The following GOLGA6L2 variants were observed in gnomAD, a reference collection of about 807,000 sequenced individuals.
The protein encoded by GOLGA6L2 is golgin subfamily A member 6-like protein 2.
GOLGA6L2 carries 30 observed loss-of-function variants against 35.9 expected under a neutral mutation model. That is an observed-to-expected ratio of 0.83 (90% CI 0.62 to 1.13). The LOEUF is 1.13. GOLGA6L2 is among the 50% of genes most tolerant of loss of function. GOLGA6L2 has a pLI of 0.00. For synonymous variants in GOLGA6L2, 297 were observed against 344.0 expected (o/e 0.86, Z 1.51); for missense variants, 821 against 973.4 (o/e 0.84, Z 2.08).
intron 7 of GOLGA6L2, 84 bp from the exon 8 acceptor site, chr15:23,441,766 AT>A (rs1212277664): frequency 3.1e-5 from 43 of 1,404,286 alleles, no homozygotes; most frequent in Middle Eastern, 1.9e-4. Context: ...TTTAAAAAAA[AT>A]TTTTAAGCCT....
intron 6 of GOLGA6L2, 151 bp downstream of exon 6, chr15:23,442,299 G>C: frequency 8.8e-7 from 1 of 1,133,306 alleles, no homozygotes; most frequent in East Asian, 2.6e-5. Context: ...GCTACCCCAT[G>C]AGTCAGTGGC....
In GOLGA6L2 at chr15:23,439,519, AG is replaced by A. The variant is rs1234401135; in HGVS notation, c.*225del. On this transcript the variant is annotated 3_prime_UTR_variant, in exon 8 of 8. Transcript: ENST00000567107. ...GTGACATGGCGGCTTATGCTTCTGT[AG>A]GCCTTGTTGACAGTGCCAACTTTTA... The A allele has an allele frequency of 7.6e-6, 10 of 1,320,196 alleles. No homozygotes were observed. The highest frequency in any genetic ancestry group is 1.0e-5 in the Non-Finnish European group (10 of 970,272). The allele number at this position is 1,320,196 out of a possible 1,614,324, so 81.8% of individuals were successfully genotyped here.
In GOLGA6L2 at chr15:23,439,823, T is replaced by C. The variant is rs1379257978; in HGVS notation, c.2652A>G (p.Arg884=). The C allele has an allele frequency of 6.5e-7, 1 of 1,533,254 alleles. No individual in the cohort carries two copies. The highest frequency in any genetic ancestry group is 1.4e-5 in the African/African-American group (1 of 71,684). The allele number at this position is 1,533,254 out of a possible 1,614,324, so 95.0% of individuals were successfully genotyped here. A position where few individuals can be genotyped will look rare whatever the true frequency, so the allele number is the denominator to read the frequency against. The change falls in exon 8 of 8, where the codon AGA becomes AGG. Residue 884 remains arginine (R), a synonymous_variant. Transcript: ENST00000567107. ...REGGEDTRSE[R]EDAGEAARAR... ...CTCTGGCAGCCTCTCCTGCATCTTCTCTTTCTGATCTCGTATCCTCTCCTC... is the reference window on the plus strand; with the variant it reads ...CTCTGGCAGCCTCTCCTGCATCTTCCCTTTCTGATCTCGTATCCTCTCCTC...
chr15:23,444,740 T>C (rs565260354), intron 2 of GOLGA6L2, among the ~76,000 whole-genome samples: 1 of 152,304 alleles, frequency 6.6e-6, no homozygotes, highest in East Asian at 1.9e-4. Flanking sequence ...GACAGTAACA[T>C]AAACCTTCAG....
At chr15:23,442,860 G>C (rs2880981) in intron 5 of GOLGA6L2, among the ~76,000 whole-genome samples, 2 of 152,020 alleles carry the variant, frequency 1.3e-5, no homozygotes, top group East Asian at 3.9e-4. Context: ...TTGTTTTTCA[G>C]AGAACTCAGT....
At chr15:23,446,998 G>A in intron 1 of GOLGA6L2, 100 bp downstream of exon 1, 1 of 631,900 alleles carries the variant, frequency 1.6e-6, no homozygotes, top group Non-Finnish European at 2.8e-6. Flanking sequence ...ACCCAGCCCA[G>A]TGTGCCTCTG....
At chr15:23,445,565 G>A (rs765941536) in intron 1 of GOLGA6L2, 127 bp from the exon 2 acceptor site, 107 of 238,574 alleles carry the variant, frequency 4.5e-4, no homozygotes, top group Non-Finnish European at 8.0e-4. Context: ...AGGTGTTGTC[G>A]CAATCACTTA....
chr15:23,446,302 C>T (rs553478358), intron 1 of GOLGA6L2, among the ~76,000 whole-genome samples: 1 of 152,244 alleles, frequency 6.6e-6, no homozygotes, highest in South Asian at 2.1e-4. Context: ...TTTGAGTTCA[C>T]AGGGGGAGGT....
Position 23,439,273 on chromosome 15 carries a change from C to T in GOLGA6L2, c.*472G>A, listed in dbSNP as rs1190346338. Among the ~76,000 whole-genome samples, 3 of 151,508 alleles carry T rather than the reference C, an allele frequency of 2.0e-5. No homozygotes were observed. The highest frequency in any genetic ancestry group is 2.0e-4 in the East Asian group (1 of 5,114). On this transcript the variant is annotated 3_prime_UTR_variant, in exon 8 of 8. Transcript: ENST00000567107. ...GATTACAGGCGTGCACAACCACGCC[C>T]GGCTAACTTGTATTTTTAGTAGAGA...
At chr15:23,442,877 A>G (rs371519782) in intron 5 of GOLGA6L2, among the ~76,000 whole-genome samples, 5 of 152,158 alleles carry the variant, frequency 3.3e-5, no homozygotes, top group African/African-American at 1.2e-4. Flanking sequence ...CAGTAAGGGT[A>G]GAAGGGACAG....
chr15:23,442,503 G>T lies in GOLGA6L2; in HGVS notation c.597C>A (p.Ile199=). The T allele has an allele frequency of 6.3e-7, 1 of 1,592,008 alleles. No individual in the cohort carries two copies. The highest frequency in any genetic ancestry group is 8.5e-7 in the Non-Finnish European group (1 of 1,176,392). ...STWHKKADRY[I]EELTKERDAL... is the part of the protein sequence containing the mutation. ...CGTCCCTCTCCTTTGTTAACTCCTC[G>T]ATGTACTGCAAATAGAGAAAGGTTA... Residue 199 remains isoleucine (I), a synonymous_variant, in exon 6 of 8, where the codon ATC becomes ATA. Transcript: ENST00000567107.
chr15:23,440,992 C>T lies in GOLGA6L2; in HGVS notation c.1483G>A (p.Glu495Lys), dbSNP rs1256380202. 6.5e-7 allele frequency: 1 copy of T among 1,532,420 alleles called. No homozygotes were observed. Among genetic ancestry groups the T allele is most frequent in the Admixed American group, 2.0e-5 (1 of 49,902 alleles). 94.9% of individuals were successfully genotyped at this position (1,532,420 alleles called of 1,614,324 possible). The change falls in exon 8 of 8, where the codon GAA becomes AAA. Residue 495 changes from glutamate to lysine, a missense_variant. Glu to Lys is a moderately conservative substitution (Grantham distance 56). Around this residue, in one of 7 missense-constraint regions of GOLGA6L2, gnomAD observed 614 missense variants for 632.3 expected, o/e 0.97. Coordinates refer to ENST00000567107, the MANE Select transcript of GOLGA6L2 (RefSeq NM_001304388.2). Reference sequence around the variant, plus strand: ...TGTTCCCACAGCTTCTCCTTCTGTTCCGGCAGCCTCTGCTGCTGCCACTCC... The same window carrying T: ...TGTTCCCACAGCTTCTCCTTCTGTTTCGGCAGCCTCTGCTGCTGCCACTCC... Reference protein sequence around the residue: ...EKEWQQQRLPEQKEKLWEQEK... With the variant: ...EKEWQQQRLPKQKEKLWEQEK...
At position 23,442,405 on chromosome 15, in the gene GOLGA6L2, C is replaced by T. The variant is rs567561895; in HGVS notation, c.650+45G>A. The T allele has an allele frequency of 1.4e-3, 2,165 of 1,560,520 alleles. 3 individuals carry two copies. The highest frequency in any genetic ancestry group is 1.7e-3 in the Non-Finnish European group (1,946 of 1,158,182). On this transcript the variant is annotated intron_variant, in intron 6 of 7. Coordinates refer to ENST00000567107, the MANE Select transcript of GOLGA6L2 (RefSeq NM_001304388.2). ...CCCCCACCTCCCAGCACACCACCCA[C>T]GCTAAGGGCCCCCAGACCTCCCATC... is the stretch of plus-strand genomic sequence containing the variant.
At position 23,444,536 on chromosome 15, in the gene GOLGA6L2, G is replaced by T. The variant is rs1886735822; in HGVS notation, c.214-36C>A. On this transcript the variant is annotated intron_variant, in intron 2 of 7. Transcript: ENST00000567107. ...AGTCAAAGGAAGGTGACTGAGGGTG[G>T]CCCCCTGGACTCTATTCCCCAGGCC... 4 of 1,593,852 alleles carry T rather than the reference G, an allele frequency of 2.5e-6. No homozygotes were observed. The Middle Eastern group carries it at 5.6e-4, about 223-fold the overall frequency.
At position 23,439,624 on chromosome 15, in the gene GOLGA6L2, C is replaced by G. The variant is rs2070624428; in HGVS notation, c.*121G>C. ...AGGAGGTACTGCCTAATCCTGGGCA[C>G]TGCTGGGCGTTCTTCATCCCACAAA... is the stretch of plus-strand genomic sequence containing the variant. On this transcript the variant is annotated 3_prime_UTR_variant, in exon 8 of 8. Transcript: ENST00000567107. 1 of 1,536,226 alleles carries G rather than the reference C, an allele frequency of 6.5e-7. No individual in the cohort carries two copies. The highest frequency in any genetic ancestry group is 1.4e-5 in the African/African-American group (1 of 72,864).
At position 23,440,595 on chromosome 15, in the gene GOLGA6L2, GCATCTTCTCCTCCTGGTCC is replaced by G. The variant is rs1326898532; in HGVS notation, c.1861_1879del (p.Gly621ArgfsTer351). 7.4e-7 allele frequency: 1 copy of G among 1,354,062 alleles called. No individual in the cohort carries two copies. Among genetic ancestry groups the G allele is most frequent in the African/African-American group, 1.5e-5 (1 of 64,706 alleles). The allele number at this position is 1,354,062 out of a possible 1,614,324, so 83.9% of individuals were successfully genotyped here. A position where few individuals can be genotyped will look rare whatever the true frequency, so the allele number is the denominator to read the frequency against. On this transcript the variant is annotated frameshift_variant, in exon 8 of 8. Transcript: ENST00000567107. LOFTEE classifies it low-confidence loss of function (END_TRUNC). ...CGCTCCCGCATCCTCTCCTCCTCTC[GCATCTTCTCCTCCTGGTCC>G]CATGTCTTCTTCTCCTGCTCCTGCG...
rs1168997126 is a variant in GOLGA6L2, at chr15:23,439,648, A to C, written c.*97T>G. 3.9e-6 allele frequency: 6 copies of C among 1,536,408 alleles called. No individual in the cohort carries two copies. The South Asian group carries it at 7.1e-5, about 18-fold the overall frequency. On this transcript the variant is annotated 3_prime_UTR_variant, in exon 8 of 8. Transcript: ENST00000567107. Reference sequence around the variant, plus strand: ...ACTGCTGGGCGTTCTTCATCCCACAAAACAGCTGCATGATCTCCTGTGCAG... The same window carrying C: ...ACTGCTGGGCGTTCTTCATCCCACACAACAGCTGCATGATCTCCTGTGCAG...
intron 2 of GOLGA6L2, among the ~76,000 whole-genome samples, 194 bp from the exon 3 acceptor site, chr15:23,444,694 C>CGG (rs369958883): frequency 3.5e-4 from 53 of 152,250 alleles, no homozygotes; most frequent in Admixed American, 3.1e-3. Flanking sequence ...CCCTCAGCCA[C>CGG]GGAACTGAAA....
intron 4 of GOLGA6L2, 34 bp downstream of exon 4, chr15:23,444,128 G>C (rs959744189): frequency 6.2e-7 from 1 of 1,600,576 alleles, no homozygotes; most frequent in East Asian, 2.2e-5. Context: ...ACCTTCTCCA[G>C]AGGACAGGAG....
Sources: allele counts gnomAD v4.1 joint callset (sites outside exome capture counted in the v4.1 genomes callset), GRCh38; gene constraint gnomAD v4.1.1; regional missense constraint gnomAD v4.1.1; transcripts MANE v1.5; gene names NCBI Gene and HGNC (gene_info 2026-07-23, HGNC 2026-07-21).